The following IGBP1C variants were observed in gnomAD, a reference collection of about 807,000 sequenced individuals.
The protein encoded by IGBP1C is IGBP1 family member C.
the IGBP1C span, among the ~76,000 whole-genome samples, chr17:58,680,003 G>A: frequency 6.6e-6 from 1 of 152,078 alleles, no homozygotes; most frequent in Non-Finnish European, 1.5e-5. Flanking sequence ...ATGCTCTACA[G>A]ATTAAAAGGT....
At chr17:58,675,323 A>T in the IGBP1C span, 2 of 153,516 alleles carry the variant, frequency 1.3e-5, no homozygotes, top group Non-Finnish European at 2.9e-5. Context: ...ATTTTCCCGA[A>T]AAAAGCTAAA....
At chr17:58,663,814 T>C in the IGBP1C span, among the ~76,000 whole-genome samples, 1 of 152,106 alleles carries the variant, frequency 6.6e-6, no homozygotes, top group East Asian at 1.9e-4. Flanking sequence ...GCCAAATCCA[T>C]TCACTCCTGA....
the IGBP1C span, chr17:58,661,577 A>G: frequency 2.7e-6 from 2 of 734,874 alleles, no homozygotes; most frequent in Admixed American, 2.0e-5. Flanking sequence ...CGGCGGCAGG[A>G]ACTCGTCTTC....
At chr17:58,680,510 T>C in the IGBP1C span, among the ~76,000 whole-genome samples, 8 of 151,882 alleles carry the variant, frequency 5.3e-5, no homozygotes, top group Non-Finnish European at 8.8e-5. Context: ...GGGAGGCCAA[T>C]GCGGGCAGAT....
chr17:58,660,664 A>C, the IGBP1C span: 2 of 783,774 alleles, frequency 2.6e-6, no homozygotes, highest in African/African-American at 3.4e-5. Flanking sequence ...GTGTTTGTTC[A>C]TCATCCTCTT....
chr17:58,687,351 G>GTACC, the IGBP1C span, among the ~76,000 whole-genome samples: 10 of 152,014 alleles, frequency 6.6e-5, no homozygotes, highest in African/African-American at 2.4e-4. Context: ...TAGAGGCAAG[G>GTACC]TACCCCCTGA....
chr17:58,684,999 G>A, the IGBP1C span, among the ~76,000 whole-genome samples: 9 of 151,958 alleles, frequency 5.9e-5, no homozygotes, highest in African/African-American at 2.2e-4. Context: ...TTGAAGGAAT[G>A]GATGGTTAGA....
chr17:58,679,149 C>T, the IGBP1C span, among the ~76,000 whole-genome samples: 1 of 151,586 alleles, frequency 6.6e-6, no homozygotes, highest in Non-Finnish European at 1.5e-5. Context: ...AGCGAAACGC[C>T]GTCTCCAAGA....
chr17:58,688,268 C>T, the IGBP1C span, among the ~76,000 whole-genome samples: 1 of 151,832 alleles, frequency 6.6e-6, no homozygotes, highest in Non-Finnish European at 1.5e-5. Context: ...CTATAGGTAC[C>T]CTCCACCACC....
the IGBP1C span, among the ~76,000 whole-genome samples, chr17:58,687,236 C>A: frequency 6.6e-5 from 10 of 152,086 alleles, no homozygotes; most frequent in African/African-American, 2.2e-4. Context: ...GTCTTGCAAG[C>A]CTACTCTGGA....
the IGBP1C span, among the ~76,000 whole-genome samples, chr17:58,672,079 T>C: frequency 6.6e-6 from 1 of 152,160 alleles, no homozygotes; most frequent in Non-Finnish European, 1.5e-5. Flanking sequence ...CAGGCATTAG[T>C]TAGGTTCTCA....
chr17:58,691,573 A>G, the IGBP1C span, among the ~76,000 whole-genome samples: 1 of 150,274 alleles, frequency 6.7e-6, no homozygotes, highest in Non-Finnish European at 1.5e-5. Flanking sequence ...AGGCTGAGGC[A>G]GGAGACTCAC....
the IGBP1C span, among the ~76,000 whole-genome samples, chr17:58,679,886 C>G: frequency 6.6e-6 from 1 of 152,110 alleles, no homozygotes; most frequent in Non-Finnish European, 1.5e-5. Flanking sequence ...GTGCAAATAG[C>G]CAGCAGTCAC....
chr17:58,660,977 T>C, the IGBP1C span: 2 of 1,165,504 alleles, frequency 1.7e-6, no homozygotes, highest in East Asian at 4.7e-5. Context: ...CTCAATCTCT[T>C]CTAAGCTGAT....
the IGBP1C span, among the ~76,000 whole-genome samples, chr17:58,666,127 G>A: frequency 6.6e-6 from 1 of 151,638 alleles, no homozygotes; most frequent in Non-Finnish European, 1.5e-5. Context: ...TGGATCACTT[G>A]AGGACAAGAG....
At chr17:58,666,482 A>AAAAAAAAAAAG in the IGBP1C span, 1 of 149,994 alleles carries the variant, frequency 6.7e-6, no homozygotes, top group Non-Finnish European at 1.5e-5. Context: ...AAAAAAAAAA[A>AAAAAAAAAAAG]AAAAAGCAAA....
the IGBP1C span, among the ~76,000 whole-genome samples, chr17:58,665,489 C>G: frequency 6.6e-6 from 1 of 151,898 alleles, no homozygotes; most frequent in South Asian, 2.1e-4. Context: ...TCCAGCTACT[C>G]TGAGGCTGAG....
At chr17:58,681,202 T>A in the IGBP1C span, among the ~76,000 whole-genome samples, 1 of 152,168 alleles carries the variant, frequency 6.6e-6, no homozygotes, top group East Asian at 1.9e-4. Flanking sequence ...CAGGCTGCAG[T>A]GAGCCGAGAC....
chr17:58,684,407 A>G, the IGBP1C span, among the ~76,000 whole-genome samples: 2 of 151,526 alleles, frequency 1.3e-5, no homozygotes, highest in Admixed American at 6.6e-5. Context: ...GGTTGGAGTG[A>G]GCTGAGATCA....
Sources: allele counts gnomAD v4.1 joint callset (sites outside exome capture counted in the v4.1 genomes callset), GRCh38; gene constraint gnomAD v4.1.1; transcripts MANE v1.5; gene names NCBI Gene and HGNC (gene_info 2026-07-23, HGNC 2026-07-21).